ELAC2: variants seen among roughly 807,000 people sequenced by gnomAD.
The protein encoded by ELAC2 is zinc phosphodiesterase ELAC protein 2.
Under a neutral mutation model 105.2 loss-of-function variants are expected in ELAC2, and 92 were observed. The observed-to-expected ratio is 0.87, with a 90% CI of 0.74 to 1.04. The LOEUF is 1.04. Among genes scored for constraint, ELAC2 ranks in the 50% least tolerant of loss-of-function variants. The pLI is 0.00. For synonymous variants in ELAC2, 468 were observed against 409.1 expected (o/e 1.14, Z -1.74); for missense variants, 1,099 against 1,071.7 (o/e 1.03, Z -0.36).
Position 12,995,686 on chromosome 17 carries a change from C to G in ELAC2, c.1808+17G>C, listed in dbSNP as rs1458307512. ...GCAAGCAACAGCCCAGCGGGCCAGG[C>G]TGCCCTGGATGCTCACCTGATGTGG... On this transcript the variant is annotated intron_variant, in intron 19 of 23. Transcript: ENST00000338034. The G allele has an allele frequency of 6.2e-7, 1 of 1,600,404 alleles. No homozygotes were observed. Among genetic ancestry groups the G allele is most frequent in the South Asian group, 1.1e-5 (1 of 88,728 alleles).
In ELAC2 at chr17:13,017,756, T is replaced by C; in HGVS notation, c.192A>G (p.Ala64=). The C allele has an allele frequency of 6.2e-7, 1 of 1,611,756 alleles. No homozygotes were observed. Reference sequence around the variant, plus strand: ...CGGCGCCCGAGTCCCGGCTACCCGCTGCCACCACCTGCAGGTACACGGTGT... The same window carrying C: ...CGGCGCCCGAGTCCCGGCTACCCGCCGCCACCACCTGCAGGTACACGGTGT... The part of the protein sequence containing the change: ...GPNTVYLQVV[A]AGSRDSGAAL... Residue 64 remains alanine (A), a synonymous_variant, in exon 1 of 24, where the codon GCA becomes GCG. Coordinates refer to ENST00000338034, the MANE Select transcript of ELAC2 (RefSeq NM_018127.7).
rs745680653 is a variant in ELAC2 at position 12,994,995 on chromosome 17, T to C, written c.1876A>G (p.Ser626Gly). The change falls in exon 20 of 24, where the codon AGT becomes GGT. Residue 626 changes from serine (S) to glycine (G), a missense_variant. Physicochemically the swap from Ser to Gly is moderately conservative, Grantham distance 56. Transcript: ENST00000338034. The stretch of plus-strand genomic sequence containing the variant: ...AAATCACATGTTCGCAACAGCGAAC[T>C]GATCAATCTTTCCACTGCAGGACTG... The part of the protein sequence containing the change: ...ISSPAVERLI[S>G]SLLRTCDLEE... 5.6e-6 allele frequency: 9 copies of C among 1,614,222 alleles called. No individual in the cohort carries two copies. Among genetic ancestry groups the C allele is most frequent in the South Asian group, 4.4e-5 (4 of 91,090 alleles).
intron 19 of ELAC2, among the ~76,000 whole-genome samples, chr17:12,995,480 GA>G (rs2040422904): frequency 6.6e-6 from 1 of 152,238 alleles, no homozygotes; most frequent in East Asian, 1.9e-4. Context: ...CTCAAATGAG[GA>G]CTGGGAAGAA....
intron 6 of ELAC2, among the ~76,000 whole-genome samples, chr17:13,012,591 G>A (rs2041479615): frequency 6.6e-6 from 1 of 152,118 alleles, no homozygotes; most frequent in African/African-American, 2.4e-5. Context: ...GCCTTTGCTG[G>A]GTGCTCTGGT....
intron 5 of ELAC2, among the ~76,000 whole-genome samples, chr17:13,013,600 A>G (rs1458201136): frequency 6.6e-6 from 1 of 152,226 alleles, no homozygotes; most frequent in East Asian, 1.9e-4. Flanking sequence ...CAGGGAACCT[A>G]TCATCGCAAA....
rs11443554 is a variant in ELAC2 at position 12,998,227 on chromosome 17, T to TA, written c.1520+184dup. Among the ~76,000 whole-genome samples, 40,654 of 152,116 alleles carry TA rather than the reference T, an allele frequency of 0.27. 5,683 individuals are homozygous for TA. The highest frequency in any genetic ancestry group is 0.33 in the Middle Eastern group (96 of 294). On this transcript the variant is annotated intron_variant, in intron 16 of 23. Coordinates refer to ENST00000338034, the MANE Select transcript of ELAC2 (RefSeq NM_018127.7). Reference sequence around the variant, plus strand: ...GGATGAATTTTGGTGATTCCCAGGGTAAAGTTTGCTACTGAGGCTATAAAA... The same window carrying TA: ...GGATGAATTTTGGTGATTCCCAGGGTAAAAGTTTGCTACTGAGGCTATAAAA...
intron 17 of ELAC2, 180 bp from the exon 18 acceptor site, chr17:12,996,158 A>G (rs1342944478): frequency 2.7e-6 from 2 of 754,704 alleles, no homozygotes; most frequent in East Asian, 2.7e-5. Flanking sequence ...GAAATGTCAC[A>G]GGCAGAAAGC....
At chr17:12,994,062 AC>A (rs1342894030) in intron 22 of ELAC2, among the ~76,000 whole-genome samples, 1 of 152,144 alleles carries the variant, frequency 6.6e-6, no homozygotes, top group African/African-American at 2.4e-5. Flanking sequence ...CCATGAGGGC[AC>A]CCAAGAGAAA....
At chr17:13,004,461 A>G (rs2040997835) in intron 11 of ELAC2, among the ~76,000 whole-genome samples, 1 of 152,242 alleles carries the variant, frequency 6.6e-6, no homozygotes, top group Non-Finnish European at 1.5e-5. Flanking sequence ...TGGGTCAAAG[A>G]TGATTCCATC....
At chr17:13,003,325 G>A in intron 12 of ELAC2, 154 bp downstream of exon 12, 1 of 755,040 alleles carries the variant, frequency 1.3e-6, no homozygotes, top group South Asian at 1.4e-5. Flanking sequence ...CACAGATCTG[G>A]GAAGCCTAGA....
In ELAC2 at chr17:12,992,059, C is replaced by G. The variant is rs2040197470; in HGVS notation, c.*759G>C. The stretch of plus-strand genomic sequence containing the variant: ...CAAATCTATTGTCTCCACTTTTACC[C>G]AGAACCACCAGAAGACTTGCATTTC... On this transcript the variant is annotated 3_prime_UTR_variant, in exon 24 of 24. Coordinates refer to ENST00000338034, the MANE Select transcript of ELAC2 (RefSeq NM_018127.7). Among the ~76,000 whole-genome samples the G allele has an allele frequency of 6.6e-6, 1 of 152,202 alleles. No homozygotes were observed. The highest frequency in any genetic ancestry group is 2.4e-5 in the African/African-American group (1 of 41,444).
Position 12,992,841 on chromosome 17 carries a change from C to G in ELAC2, c.2458G>C (p.Ala820Pro). The G allele has an allele frequency of 6.2e-7, 1 of 1,611,336 alleles. No homozygotes were observed. Among genetic ancestry groups the G allele is most frequent in the East Asian group, 2.2e-5 (1 of 44,848 alleles). Residue 820 changes from alanine (A) to proline (P), a missense_variant, in exon 24 of 24, where the codon GCC (alanine) becomes CCC (proline). Coordinates refer to ENST00000338034, the MANE Select transcript of ELAC2 (RefSeq NM_018127.7). ...QKRAHTEEPQAKKVRAQ is the reference protein window; with the variant it reads ...QKRAHTEEPQPKKVRAQ Reference sequence around the variant, plus strand: ...CTTCACTGGGCTCTGACCTTCTTGGCCTGTGGCTCCTCTGTGTGGGCCCGC... The same window carrying G: ...CTTCACTGGGCTCTGACCTTCTTGGGCTGTGGCTCCTCTGTGTGGGCCCGC...
chr17:13,016,895 G>C lies in ELAC2; in HGVS notation c.334C>G (p.Arg112Gly). Residue 112 changes from arginine to glycine, a missense_variant, in exon 3 of 24, where the codon CGA becomes GGA. By Grantham distance (125) the Arg-to-Gly change is moderately radical. Transcript: ENST00000338034. ...VARLDNIFLT[R>G]MHWSNVGGLS... ...CCCCCAACATTAGACCAGTGCATTC[G>C]TGTCAGGAATATGTTGTCCAGGCGA... is the stretch of plus-strand genomic sequence containing the variant. The C allele has an allele frequency of 6.2e-7, 1 of 1,614,090 alleles. No individual in the cohort carries two copies. The highest frequency in any genetic ancestry group is 1.1e-5 in the South Asian group (1 of 91,076).
At chr17:13,017,273 T>G (rs1036714710) in intron 1 of ELAC2, 152 bp from the exon 2 acceptor site, 1 of 863,394 alleles carries the variant, frequency 1.2e-6, no homozygotes, top group Non-Finnish European at 1.9e-6. Context: ...TTTATGCTGG[T>G]GGGTTTTGAG....
intron 6 of ELAC2, 143 bp downstream of exon 6, chr17:13,013,064 T>G (rs980228500): frequency 1.1e-6 from 1 of 914,142 alleles, no homozygotes; most frequent in Non-Finnish European, 1.7e-6. Context: ...GAGCCATATC[T>G]TCATTCCTCA....
In ELAC2 at chr17:12,997,148, G is replaced by A. The variant is rs1302638818; in HGVS notation, c.1521-463C>T. On this transcript the variant is annotated intron_variant, in intron 16 of 23. Transcript: ENST00000338034. ...GGTTTCCTCAGCTCATGTCCTCAAA[G>A]ACACCTGGTGCAGGGCGGGCTGCAG... is the stretch of plus-strand genomic sequence containing the variant. Among the ~76,000 whole-genome samples, 3 of 152,090 alleles carry A rather than the reference G, an allele frequency of 2.0e-5. 1 individual carries two copies. In the South Asian group the frequency reaches 6.2e-4, roughly 32 times the overall value.
At position 12,992,121 on chromosome 17, in the gene ELAC2, G is replaced by GAT. The variant is rs1254581499; in HGVS notation, c.*695_*696dup. On this transcript the variant is annotated 3_prime_UTR_variant, in exon 24 of 24. Coordinates refer to ENST00000338034, the MANE Select transcript of ELAC2 (RefSeq NM_018127.7). ...ACACCAGCCCAGCCAGGCTCTCACT[G>GAT]ATTGATTTGATTGATTGATTGATTG... Among the ~76,000 whole-genome samples, 11 of 137,548 alleles carry GAT rather than the reference G, an allele frequency of 8.0e-5. No individual in the cohort carries two copies. The highest frequency in any genetic ancestry group is 2.9e-4 in the Admixed American group (4 of 13,984). 90.2% of individuals were successfully genotyped at this position (137,548 alleles called of 152,430 possible).
chr17:12,991,684 TG>T lies in ELAC2; in HGVS notation c.*1133del, dbSNP rs1249550494. The T allele has an allele frequency of 3.9e-5, 8 of 205,700 alleles. No individual in the cohort carries two copies. The East Asian group carries it at 5.9e-4, about 15-fold the overall frequency. 12.7% of individuals were successfully genotyped at this position (205,700 alleles called of 1,614,324 possible). A position where few individuals can be genotyped will look rare whatever the true frequency, so the allele number is the denominator to read the frequency against. On this transcript the variant is annotated 3_prime_UTR_variant, in exon 24 of 24. Transcript: ENST00000338034. ...TTGCTTTAATAAACCTGCGGGGACA[TG>T]GCCGTCAATCTCAAATGCACACCGG...
Position 13,015,771 on chromosome 17 carries a change from T to C in ELAC2, c.429A>G (p.Gln143=). The C allele has an allele frequency of 6.2e-7, 1 of 1,613,246 alleles. No individual in the cohort carries two copies. The highest frequency in any genetic ancestry group is 8.5e-7 in the Non-Finnish European group (1 of 1,179,140). The change falls in exon 4 of 24, where the codon CAA becomes CAG. Residue 143 remains glutamine, a synonymous_variant. Transcript: ENST00000338034. ...AGATGTGTCAGGAAAGACTCACCAGTTGTGGAGGTCCAGAAAGTACACACT... is the reference window on the plus strand; with the variant it reads ...AGATGTGTCAGGAAAGACTCACCAGCTGTGGAGGTCCAGAAAGTACACACT... ...LPKCVLSGPP[Q]LEKYLEAIKI...
Sources: gnomAD v4.1 joint callset for allele counts (sites outside exome capture counted in the v4.1 genomes callset) on GRCh38, gnomAD v4.1.1 for gene constraint, MANE v1.5 for transcripts, NCBI Gene and HGNC (gene_info 2026-07-23, HGNC 2026-07-21) for gene names.